CCDC30: variants seen among roughly 807,000 people sequenced by gnomAD.
CCDC30 encodes coiled-coil domain containing 30.
A neutral mutation model predicts 100.2 loss-of-function variants in CCDC30; 70 were observed. The ratio of observed to expected loss-of-function variants is 0.70; its 90% confidence interval spans 0.58 to 0.85. The LOEUF (loss-of-function observed/expected upper bound fraction) is 0.85. Among genes scored for constraint, CCDC30 ranks in the 40% least tolerant of loss-of-function variants. The pLI, the probability that CCDC30 is intolerant of heterozygous loss-of-function variation, is 0.00. For missense variants in CCDC30, 652 were observed against 771.2 expected (o/e 0.85, Z 1.83); for synonymous variants, 233 against 269.5 (o/e 0.86, Z 1.33).
rs141388709 is a variant in CCDC30, at chr1:42,605,735, C to T, written c.1165-5243C>T. 6.2e-3 allele frequency among the ~76,000 whole-genome samples: 950 copies of T among 152,302 alleles called. 6 individuals are homozygous for T. The highest frequency in any genetic ancestry group is 0.021 in the African/African-American group (887 of 41,552). Reference sequence around the variant, plus strand: ...CTCCTGGGCTCAAGTGATCCACCTGCCTCGGCCTCCCAAAATGCTTGGATT... The same window carrying T: ...CTCCTGGGCTCAAGTGATCCACCTGTCTCGGCCTCCCAAAATGCTTGGATT... On this transcript the variant is annotated intron_variant, in intron 10 of 16. Transcript: ENST00000668663.
chr1:42,531,412 G>T (rs555860873), intron 6 of CCDC30, among the ~76,000 whole-genome samples: 1 of 152,228 alleles, frequency 6.6e-6, no homozygotes, highest in Middle Eastern at 3.4e-3. Context: ...TGGTGTACTG[G>T]TTAACTTCAT....
chr1:42,607,174 G>T (rs1196760598), intron 10 of CCDC30, among the ~76,000 whole-genome samples: 1 of 152,204 alleles, frequency 6.6e-6, no homozygotes, highest in Non-Finnish European at 1.5e-5. Flanking sequence ...GATCACTTGA[G>T]ACCAGGAGTT....
the CCDC30 span, chr1:42,456,583 G>A: frequency 6.7e-7 from 1 of 1,493,266 alleles, no homozygotes; most frequent in South Asian, 1.4e-5. Flanking sequence ...AAATGGATCC[G>A]GTAGCCGAGT....
chr1:42,457,292 A>G, the CCDC30 span: 7 of 1,614,112 alleles, frequency 4.3e-6, no homozygotes, highest in Non-Finnish European at 5.1e-6. Flanking sequence ...TCAGATTTCT[A>G]TGTTCCTGTC....
chr1:42,614,086 T>TC (rs1646678240), intron 11 of CCDC30, among the ~76,000 whole-genome samples: 1 of 150,978 alleles, frequency 6.6e-6, no homozygotes, highest in East Asian at 1.9e-4. Context: ...AATATTCTTT[T>TC]TTTTTTTTTT....
At chr1:42,561,806 A>G (rs537652820) in intron 6 of CCDC30, among the ~76,000 whole-genome samples, 1 of 152,298 alleles carries the variant, frequency 6.6e-6, no homozygotes, top group South Asian at 2.1e-4. Flanking sequence ...CTTTACACCA[A>G]CAATAGGCAA....
At chr1:42,647,099 C>CA (rs1235244440) in intron 15 of CCDC30, among the ~76,000 whole-genome samples, 103 of 151,392 alleles carry the variant, frequency 6.8e-4, no homozygotes, top group African/African-American at 2.4e-3. Context: ...GACTCCATCT[C>CA]AAAAAAATAA....
intron 1 of CCDC30, among the ~76,000 whole-genome samples, chr1:42,465,778 T>C (rs1294149756): frequency 1.3e-5 from 2 of 152,196 alleles, no homozygotes; most frequent in Non-Finnish European, 2.9e-5. Flanking sequence ...TACTGACATA[T>C]AGTTGGTAGA....
At chr1:42,571,593 T>G (rs1222147510) in intron 7 of CCDC30, among the ~76,000 whole-genome samples, 1 of 152,194 alleles carries the variant, frequency 6.6e-6, no homozygotes, top group Non-Finnish European at 1.5e-5. Flanking sequence ...GATTGAGAAT[T>G]TCTTTTTGGT....
At chr1:42,515,493 T>C (rs1263966851) in intron 6 of CCDC30, among the ~76,000 whole-genome samples, 1 of 152,176 alleles carries the variant, frequency 6.6e-6, no homozygotes, top group Non-Finnish European at 1.5e-5. Context: ...GGCCTTGAGG[T>C]TGAAATGAGA....
intron 6 of CCDC30, among the ~76,000 whole-genome samples, chr1:42,547,790 A>T (rs1645174202): frequency 6.6e-6 from 1 of 152,174 alleles, no homozygotes; most frequent in African/African-American, 2.4e-5. Context: ...ATTTGGCAAG[A>T]CATTGTGTAT....
chr1:42,502,993 C>A (rs1644343966), intron 6 of CCDC30, among the ~76,000 whole-genome samples: 1 of 152,124 alleles, frequency 6.6e-6, no homozygotes, highest in South Asian at 2.1e-4. Flanking sequence ...AGCAATTTTC[C>A]CACCTCAGCC....
chr1:42,611,493 T>G (rs1016374382), intron 11 of CCDC30, among the ~76,000 whole-genome samples: 4 of 151,992 alleles, frequency 2.6e-5, no homozygotes, highest in African/African-American at 9.7e-5. Flanking sequence ...GTATATTATA[T>G]AGATGTTATA....
intron 3 of CCDC30, among the ~76,000 whole-genome samples, chr1:42,488,604 C>T (rs1349670491): frequency 6.6e-6 from 1 of 152,130 alleles, no homozygotes; most frequent in Admixed American, 6.6e-5. Flanking sequence ...CTGTGCCCAA[C>T]CCCAGAAAGC....
upstream of CCDC30, among the ~76,000 whole-genome samples, chr1:42,462,695 T>C (rs551428971): frequency 4.6e-5 from 7 of 152,248 alleles, no homozygotes; most frequent in East Asian, 7.7e-4. Flanking sequence ...TTTTGTGTCA[T>C]TTATAAGTTT....
In CCDC30 at chr1:42,566,486, T is replaced by G; in HGVS notation, c.636+11T>G. 1 of 1,608,810 alleles carries G rather than the reference T, an allele frequency of 6.2e-7. No homozygotes were observed. Among genetic ancestry groups the G allele is most frequent in the Non-Finnish European group, 8.5e-7 (1 of 1,176,326 alleles). ...GAAGAAAACATTAAGGTAACTCTTG[T>G]GGGCAAATGCTTTATGGAAGGGTTT... On this transcript the variant is annotated intron_variant, in intron 7 of 16. Transcript: ENST00000668663.
intron 3 of CCDC30, among the ~76,000 whole-genome samples, chr1:42,485,205 T>G (rs147539745): frequency 6.6e-6 from 1 of 152,278 alleles, no homozygotes; most frequent in East Asian, 1.9e-4. Flanking sequence ...GAGCTAAATG[T>G]AAGTTAAAAC....
upstream of CCDC30, among the ~76,000 whole-genome samples, chr1:42,462,486 A>G (rs1410183960): frequency 6.6e-6 from 1 of 152,190 alleles, no homozygotes; most frequent in East Asian, 1.9e-4. Flanking sequence ...AGAGTAAAAT[A>G]CGTCCGGATA....
chr1:42,646,375 C>CA, intron 15 of CCDC30, 58 bp downstream of exon 19: 1 of 1,339,918 alleles, frequency 7.5e-7, no homozygotes, highest in Non-Finnish European at 9.6e-7. Context: ...GCCAGGCACC[C>CA]ACTGTTTGGA....
Sources: allele counts gnomAD v4.1 joint callset (sites outside exome capture counted in the v4.1 genomes callset), GRCh38; gene constraint gnomAD v4.1.1; transcripts MANE v1.5; gene names NCBI Gene and HGNC (gene_info 2026-07-23, HGNC 2026-07-21).